CPPED1: variants seen among roughly 807,000 people sequenced by gnomAD.
CPPED1 encodes the protein serine/threonine-protein phosphatase CPPED1.
A neutral mutation model predicts 28.0 loss-of-function variants in CPPED1; 28 were observed. The ratio of observed to expected loss-of-function variants is 1.00; its 90% CI spans 0.74 to 1.37. The LOEUF (loss-of-function observed/expected upper bound fraction) is 1.37, where lower values mean the gene tolerates loss of function less well. Among genes scored for constraint, CPPED1 ranks in the 40% most tolerant of loss-of-function variants. CPPED1 has a pLI of 0.00. For missense variants in CPPED1, 504 were observed against 416.5 expected (o/e 1.21, Z -1.83); for synonymous variants, 198 against 180.2 (o/e 1.10, Z -0.79).
At chr16:12,787,493 C>T (rs893020713) in intron 1 of CPPED1, among the ~76,000 whole-genome samples, 6 of 150,626 alleles carry the variant, frequency 4.0e-5, no homozygotes, top group East Asian at 3.9e-4. Context: ...GCAACCTCTG[C>T]GTCTCGGTTC....
rs75006115 is a variant in CPPED1 at position 12,699,305 on chromosome 16, C to T, written c.715+5319G>A. Among the ~76,000 whole-genome samples the T allele has an allele frequency of 3.8e-3, 579 of 152,180 alleles. 7 individuals carry two copies. The highest frequency in any genetic ancestry group is 0.021 in the East Asian group (110 of 5,180). On this transcript the variant is annotated intron_variant, in intron 3 of 3. Transcript: ENST00000381774. ...TGACCTGATAACTGTTTATTTGTAC[C>T]GGCTATTGACAATGTTTTTGTATCA...
At chr16:12,788,759 A>G (rs28524157) in intron 1 of CPPED1, among the ~76,000 whole-genome samples, 5,398 of 152,316 alleles carry the variant, frequency 0.035, 344 homozygotes, top group African/African-American at 0.12. Context: ...TATCCACCTC[A>G]ATACTGACAT....
chr16:12,765,430 A>G (rs1405393586), intron 2 of CPPED1, among the ~76,000 whole-genome samples: 11 of 152,248 alleles, frequency 7.2e-5, no homozygotes, highest in African/African-American at 2.4e-4. Flanking sequence ...TGCTTAGGAT[A>G]TAATTAATAA....
intron 1 of CPPED1, among the ~76,000 whole-genome samples, chr16:12,786,254 T>A (rs561789701): frequency 6.6e-6 from 1 of 152,116 alleles, no homozygotes; most frequent in South Asian, 2.1e-4. Flanking sequence ...TGGGTGAGGA[T>A]CTGCATTTTA....
intron 3 of CPPED1, among the ~76,000 whole-genome samples, chr16:12,680,248 A>G (rs60896050): frequency 0.021 from 3,166 of 152,196 alleles, 74 homozygotes; most frequent in African/African-American, 0.064. Context: ...ATAAGCTTCA[A>G]CCATTTGCCC....
intron 2 of CPPED1, among the ~76,000 whole-genome samples, chr16:12,778,283 T>C (rs2080509959): frequency 6.8e-6 from 1 of 147,228 alleles, no homozygotes; most frequent in African/African-American, 2.5e-5. Context: ...CTTTCTTTTT[T>C]TTTTTTTTTT....
intron 2 of CPPED1, among the ~76,000 whole-genome samples, chr16:12,718,690 C>T (rs1003909221): frequency 3.9e-5 from 6 of 151,972 alleles, no homozygotes; most frequent in Admixed American, 6.6e-5. Flanking sequence ...CAGCTGGGAG[C>T]GGTGGCTCAC....
intron 2 of CPPED1, among the ~76,000 whole-genome samples, chr16:12,731,861 G>GA (rs906004217): frequency 2.3e-4 from 34 of 147,770 alleles, no homozygotes; most frequent in East Asian, 7.9e-4. Context: ...TGGGGAGGAG[G>GA]AAAAAAAAAA....
At chr16:12,733,516 C>G (rs1395537772) in intron 2 of CPPED1, among the ~76,000 whole-genome samples, 1 of 152,164 alleles carries the variant, frequency 6.6e-6, no homozygotes, top group Non-Finnish European at 1.5e-5. Context: ...CTCAGGTGAT[C>G]CGCCCGCCTT....
intron 2 of CPPED1, among the ~76,000 whole-genome samples, chr16:12,731,749 T>C (rs111633173): frequency 1.2e-3 from 188 of 150,776 alleles, no homozygotes; most frequent in African/African-American, 4.3e-3. Context: ...ATTGCACTTT[T>C]AAATGGAAGC....
intron 2 of CPPED1, among the ~76,000 whole-genome samples, chr16:12,728,328 C>A (rs758271966): frequency 4.0e-4 from 61 of 152,006 alleles, no homozygotes; most frequent in Non-Finnish European, 7.4e-4. Context: ...ATTATCTATA[C>A]TGAGAAATAC....
chr16:12,776,036 G>C (rs928097178), intron 2 of CPPED1, among the ~76,000 whole-genome samples: 2 of 152,202 alleles, frequency 1.3e-5, no homozygotes, highest in African/African-American at 2.4e-5. Context: ...GGAATCTGCA[G>C]ATGGGATTAT....
At chr16:12,778,138 G>C (rs985316326) in intron 2 of CPPED1, among the ~76,000 whole-genome samples, 2 of 151,836 alleles carry the variant, frequency 1.3e-5, no homozygotes, top group Non-Finnish European at 2.9e-5. Context: ...TCGAACTCCT[G>C]ACCTCAAGTG....
rs1567268242 is a variant in CPPED1, at chr16:12,660,166, G to GTT, written c.*4718_*4719dup. The GTT allele has an allele frequency of 6.6e-6, 1 of 152,186 alleles. No individual in the cohort carries two copies. Among genetic ancestry groups the GTT allele is most frequent in the African/African-American group, 2.4e-5 (1 of 41,456 alleles). The allele number at this position is 152,186 out of a possible 1,614,324, so 9.4% of individuals were successfully genotyped here. On this transcript the variant is annotated 3_prime_UTR_variant, in exon 4 of 4. Coordinates refer to ENST00000381774, the MANE Select transcript of CPPED1 (RefSeq NM_018340.3). ...AGGAAGGCCACTTTCAGGGGTGAGCGTTTGAGTGGATGTTGAAATGATGAC... is the reference window on the plus strand; with the variant it reads ...AGGAAGGCCACTTTCAGGGGTGAGCGTTTTTGAGTGGATGTTGAAATGATGAC...
chr16:12,670,655 C>G lies in CPPED1; in HGVS notation c.716-5540G>C. On this transcript the variant is annotated intron_variant, in intron 3 of 3. Coordinates refer to ENST00000381774, the MANE Select transcript of CPPED1 (RefSeq NM_018340.3). This position sits in a 1 kb window ranked among gnomAD's most constrained non-coding sequence, Gnocchi z 4.2. ...TCTTCCTCTCCCAAATCCATCACCC[C>G]AGTCTAATCCAGAGAAAAACATCAG... is the stretch of plus-strand genomic sequence containing the variant. 6.6e-6 allele frequency among the ~76,000 whole-genome samples: 1 copy of G among 152,150 alleles called. No individual in the cohort carries two copies. The highest frequency in any genetic ancestry group is 1.9e-4 in the East Asian group (1 of 5,180).
chr16:12,796,536 C>G (rs2080628719), intron 1 of CPPED1, among the ~76,000 whole-genome samples: 1 of 152,056 alleles, frequency 6.6e-6, no homozygotes, highest in African/African-American at 2.4e-5. Flanking sequence ...TACTACTTCA[C>G]ACCGATTTGG....
chr16:12,803,613 C>T, intron 1 of CPPED1, 94 bp downstream of exon 1: 5 of 1,119,982 alleles, frequency 4.5e-6, no homozygotes, highest in South Asian at 1.8e-5. Flanking sequence ...CGGATGGTGT[C>T]CGACTGGCGG....
chr16:12,714,584 T>C (rs1186382305), intron 2 of CPPED1, among the ~76,000 whole-genome samples: 1 of 152,242 alleles, frequency 6.6e-6, no homozygotes, highest in Non-Finnish European at 1.5e-5. Flanking sequence ...TTTTTATATC[T>C]TCTTTGGAGA....
intron 2 of CPPED1, among the ~76,000 whole-genome samples, chr16:12,749,879 C>T (rs753160434): frequency 3.9e-5 from 6 of 152,114 alleles, no homozygotes; most frequent in Non-Finnish European, 8.8e-5. Flanking sequence ...CATGAGGCAC[C>T]GCGCCTGGCA....
Sources: allele counts gnomAD v4.1 joint callset (sites outside exome capture counted in the v4.1 genomes callset), GRCh38; gene constraint gnomAD v4.1.1; non-coding constraint Gnocchi (gnomAD v3.1); transcripts MANE v1.5; gene names NCBI Gene and HGNC (gene_info 2026-07-23, HGNC 2026-07-21).